The following CFDP1 variants were observed in gnomAD, a reference collection of about 807,000 sequenced individuals.
CFDP1 encodes the protein chromatin remodeling protein CFDP1.
In CFDP1, 31 loss-of-function variants were observed where a neutral mutation model predicts 40.1. That is an observed-to-expected ratio of 0.77 (90% CI 0.58 to 1.04). The LOEUF (loss-of-function observed/expected upper bound fraction) is 1.04, where lower values mean the gene tolerates loss of function less well. Ranked by LOEUF, CFDP1 falls within the 50% of genes least tolerant of loss-of-function variation. The pLI, the probability that CFDP1 is intolerant of heterozygous loss-of-function variation, is 0.00. For synonymous variants in CFDP1, 167 were observed against 120.0 expected (o/e 1.39, Z -2.56); for missense variants, 423 against 343.4 (o/e 1.23, Z -1.83).
At chr16:75,398,177 T>C (rs554869767) in intron 4 of CFDP1, among the ~76,000 whole-genome samples, 1 of 152,358 alleles carries the variant, frequency 6.6e-6, no homozygotes, top group South Asian at 2.1e-4. Context: ...AGTTTTGGAA[T>C]GGTGTGCTAC....
At chr16:75,348,337 T>A (rs902295081) in intron 5 of CFDP1, among the ~76,000 whole-genome samples, 5 of 152,220 alleles carry the variant, frequency 3.3e-5, no homozygotes, top group African/African-American at 9.6e-5. Flanking sequence ...TAAGATTATA[T>A]AAGATGTCAG....
intron 5 of CFDP1, among the ~76,000 whole-genome samples, chr16:75,326,849 C>T (rs1285938994): frequency 1.3e-5 from 2 of 152,132 alleles, no homozygotes; most frequent in Admixed American, 6.5e-5. Context: ...TCACCTATAA[C>T]GTTATACCCA....
chr16:75,424,626 C>T (rs1430056958), intron 1 of CFDP1, among the ~76,000 whole-genome samples: 4 of 151,930 alleles, frequency 2.6e-5, no homozygotes, highest in Admixed American at 2.0e-4. Context: ...TGGTGGCGGG[C>T]GCCTGTAGTC....
chr16:75,359,401 A>G (rs974871902), intron 5 of CFDP1, among the ~76,000 whole-genome samples: 1 of 152,138 alleles, frequency 6.6e-6, no homozygotes, highest in Admixed American at 6.6e-5. Context: ...AATAATTCAC[A>G]CCACTGGTTC....
At chr16:75,363,942 A>AACACACACACACACACACACACACAC (rs10635711) in intron 5 of CFDP1, among the ~76,000 whole-genome samples, 1 of 142,830 alleles carries the variant, frequency 7.0e-6, no homozygotes, top group Non-Finnish European at 1.5e-5. Flanking sequence ...AAAGAGGTGA[A>AACACACACACACACACACACACACAC]ACACACACAC....
At chr16:75,355,685 C>T (rs1436110807) in intron 5 of CFDP1, among the ~76,000 whole-genome samples, 1 of 152,040 alleles carries the variant, frequency 6.6e-6, no homozygotes, top group Non-Finnish European at 1.5e-5. Flanking sequence ...GGGGGCAGTT[C>T]CCCCATGCTG....
chr16:75,341,606 G>C (rs1219927014), intron 5 of CFDP1, among the ~76,000 whole-genome samples: 1 of 151,830 alleles, frequency 6.6e-6, no homozygotes, highest in Non-Finnish European at 1.5e-5. Flanking sequence ...GCATTGCTCT[G>C]GCAATTTGGG....
intron 4 of CFDP1, among the ~76,000 whole-genome samples, chr16:75,395,802 A>T (rs545472011): frequency 3.7e-4 from 56 of 152,320 alleles, no homozygotes; most frequent in African/African-American, 1.3e-3. Context: ...ATAATTTGGG[A>T]ATGGACGAAA....
Position 75,400,474 on chromosome 16 carries a change from G to A in CFDP1, c.531-5265C>T, listed in dbSNP as rs935956543. Among the ~76,000 whole-genome samples, 5 of 152,110 alleles carry A rather than the reference G, an allele frequency of 3.3e-5. 1 individual carries two copies. Among genetic ancestry groups the A allele is most frequent in the African/African-American group, 9.7e-5 (4 of 41,420 alleles). ...GACACCAGGAACCTTTCGAGGTAGAGGAAAGGAATAGGGCTAAAACCAGTT... is the reference window on the plus strand; with the variant it reads ...GACACCAGGAACCTTTCGAGGTAGAAGAAAGGAATAGGGCTAAAACCAGTT... On this transcript the variant is annotated intron_variant, in intron 4 of 6. Coordinates refer to ENST00000283882, the MANE Select transcript of CFDP1 (RefSeq NM_006324.3).
At chr16:75,323,223 A>G (rs993730747) in intron 5 of CFDP1, among the ~76,000 whole-genome samples, 1 of 151,104 alleles carries the variant, frequency 6.6e-6, no homozygotes, top group East Asian at 1.9e-4. Context: ...TTACTTTTTA[A>G]CGTTAAAAAA....
intron 5 of CFDP1, among the ~76,000 whole-genome samples, chr16:75,368,664 G>T (rs545371557): frequency 6.6e-6 from 1 of 151,902 alleles, no homozygotes; most frequent in East Asian, 1.9e-4. Flanking sequence ...CTTTACTTTT[G>T]TGTGTAGGTC....
chr16:75,426,090 C>A (rs1178043948), intron 1 of CFDP1, among the ~76,000 whole-genome samples: 4 of 141,384 alleles, frequency 2.8e-5, no homozygotes, highest in African/African-American at 1.1e-4. Flanking sequence ...GTGGCTTATG[C>A]CTATAATCCC....
intron 5 of CFDP1, among the ~76,000 whole-genome samples, chr16:75,341,070 G>A (rs927299162): frequency 6.6e-6 from 1 of 152,180 alleles, no homozygotes; most frequent in Non-Finnish European, 1.5e-5. Context: ...AAGACACACT[G>A]GGCATGCACA....
intron 5 of CFDP1, among the ~76,000 whole-genome samples, chr16:75,369,699 A>G (rs2078738730): frequency 6.6e-6 from 1 of 152,218 alleles, no homozygotes; most frequent in Non-Finnish European, 1.5e-5. Flanking sequence ...TTAAGGAACC[A>G]GAGTTTCCAA....
intron 5 of CFDP1, among the ~76,000 whole-genome samples, chr16:75,338,885 G>A (rs747625208): frequency 6.6e-6 from 1 of 152,102 alleles, no homozygotes; most frequent in Non-Finnish European, 1.5e-5. Flanking sequence ...GTTACCAGAA[G>A]ACTCTGATGC....
chr16:75,391,196 C>A (rs770585832), intron 5 of CFDP1: 10 of 152,170 alleles, frequency 6.6e-5, no homozygotes, highest in African/African-American at 2.4e-4. Flanking sequence ...TAAGCATCAA[C>A]AGGGATTATT....
intron 5 of CFDP1, among the ~76,000 whole-genome samples, chr16:75,332,824 T>G (rs1352197286): frequency 6.6e-6 from 1 of 150,504 alleles, no homozygotes; most frequent in Non-Finnish European, 1.5e-5. Flanking sequence ...TTTTTTTTTT[T>G]TGAGACAGAG....
At position 75,392,131 on chromosome 16, in the gene CFDP1, T is replaced by A. The variant is rs183637814; in HGVS notation, c.650+2959A>T. On this transcript the variant is annotated intron_variant, in intron 5 of 6. Transcript: ENST00000283882. ...TTAAAAATACAGCTTGTTGGATGGG[T>A]GCAGTGGCTCATGCCTGTAATGCCA... Among the ~76,000 whole-genome samples the A allele has an allele frequency of 6.9e-4, 105 of 152,210 alleles. 1 individual carries two copies. The Middle Eastern group carries it at 0.014, about 20-fold the overall frequency.
intron 5 of CFDP1, among the ~76,000 whole-genome samples, chr16:75,323,956 G>A (rs933215983): frequency 9.9e-5 from 15 of 152,190 alleles, no homozygotes; most frequent in African/African-American, 3.4e-4. Flanking sequence ...TGAGTCTCAA[G>A]TAAGTAACCA....
Sources: gnomAD v4.1 joint callset for allele counts (sites outside exome capture counted in the v4.1 genomes callset) on GRCh38, gnomAD v4.1.1 for gene constraint, MANE v1.5 for transcripts, NCBI Gene and HGNC (gene_info 2026-07-23, HGNC 2026-07-21) for gene names.